The following TMED3 variants were observed in gnomAD, a reference collection of about 807,000 sequenced individuals.
TMED3 encodes transmembrane p24 trafficking protein 3, also known as transmembrane emp24 domain-containing protein 3.
TMED3 carries 9 observed loss-of-function variants against 15.0 expected under a neutral mutation model. The ratio of observed to expected loss-of-function variants is 0.60; its 90% CI spans 0.36 to 1.04. The LOEUF (loss-of-function observed/expected upper bound fraction) is 1.04, where lower values mean the gene tolerates loss of function less well. Among genes scored for constraint, TMED3 ranks in the 50% least tolerant of loss-of-function variants. The pLI is 0.01. For missense variants in TMED3, 267 were observed against 278.9 expected, an observed-to-expected ratio of 0.96 and a Z score of 0.30; for synonymous variants, 117 against 121.4, an observed-to-expected ratio of 0.96 and a Z score of 0.24.
At chr15:79,333,857 A>G (rs746416194) in intron 2 of TMED3, among the ~76,000 whole-genome samples, 3 of 152,178 alleles carry the variant, frequency 2.0e-5, no homozygotes, top group Non-Finnish European at 2.9e-5. Context: ...ACAGGGCTGT[A>G]CTCAGGTAGA....
chr15:79,386,937 T>TTC (rs1893634636), intron 2 of TMED3, among the ~76,000 whole-genome samples: 1 of 148,930 alleles, frequency 6.7e-6, no homozygotes, highest in Non-Finnish European at 1.5e-5. Context: ...TTTTAATCTT[T>TTC]TTTTTTTTTT....
intron 2 of TMED3, among the ~76,000 whole-genome samples, chr15:79,364,707 G>A (rs1393173151): frequency 6.6e-6 from 1 of 151,828 alleles, no homozygotes; most frequent in East Asian, 2.0e-4. Flanking sequence ...TGAACACCGA[G>A]AGGAGTTCAG....
chr15:79,344,853 A>G (rs1055023287), intron 2 of TMED3, among the ~76,000 whole-genome samples: 4 of 152,200 alleles, frequency 2.6e-5, no homozygotes, highest in Non-Finnish European at 5.9e-5. Context: ...AGGCAGTGTG[A>G]AAGGGAGACA....
At chr15:79,406,277 T>C (rs1893902038) in intron 2 of TMED3, among the ~76,000 whole-genome samples, 1 of 152,320 alleles carries the variant, frequency 6.6e-6, no homozygotes, top group Admixed American at 6.5e-5. Flanking sequence ...CTTTGTGCTT[T>C]AATAGCCCTT....
chr15:79,311,869 G>T (rs1429702660), intron 1 of TMED3, among the ~76,000 whole-genome samples: 1 of 152,212 alleles, frequency 6.6e-6, no homozygotes, highest in African/African-American at 2.4e-5. Context: ...CCTCTCCAGC[G>T]TTTAAAGTTG....
Position 79,343,347 on chromosome 15 carries a change from G to A in TMED3, c.417+29342G>A, listed in dbSNP as rs1248880289. On this transcript the variant is annotated intron_variant, in intron 2 of 2. Transcript: ENST00000424155. ...AACAACTAATCTGTTCTCCATCTGC[G>A]TACCTTTGTCACTTTGAAGATGTCA... Among the ~76,000 whole-genome samples the A allele has an allele frequency of 5.3e-5, 8 of 152,238 alleles. 1 individual carries two copies. The highest frequency in any genetic ancestry group is 7.4e-5 in the Non-Finnish European group (5 of 68,008).
chr15:79,314,225 C>G (rs1384907780), intron 2 of TMED3, among the ~76,000 whole-genome samples: 1 of 152,204 alleles, frequency 6.6e-6, no homozygotes, highest in Non-Finnish European at 1.5e-5. Context: ...GCAGTACTTT[C>G]CTCTGACATT....
Position 79,322,616 on chromosome 15 carries a change from G to A in TMED3, c.*402G>A. 1 of 998,860 alleles carries A rather than the reference G, an allele frequency of 1.0e-6. No individual in the cohort carries two copies. The allele number at this position is 998,860 out of a possible 1,614,324, so 61.9% of individuals were successfully genotyped here. A position where few individuals can be genotyped will look rare whatever the true frequency, so the allele number is the denominator to read the frequency against. Reference sequence around the variant, plus strand: ...TCTTGGGTGTCCTATCCCATATGGAGAAGAAAGGGGCTCTAAGTTCTGGCT... The same window carrying A: ...TCTTGGGTGTCCTATCCCATATGGAAAAGAAAGGGGCTCTAAGTTCTGGCT... On this transcript the variant is annotated 3_prime_UTR_variant, in exon 3 of 3. Coordinates refer to ENST00000299705, the MANE Select transcript of TMED3 (RefSeq NM_007364.4).
intron 2 of TMED3, 65 bp from the exon 3 acceptor site, chr15:79,321,913 C>T (rs2058768577): frequency 6.4e-6 from 10 of 1,564,410 alleles, no homozygotes; most frequent in Non-Finnish European, 8.7e-6. Flanking sequence ...ACAGCATTTG[C>T]TGTTTGCTGG....
intron 2 of TMED3, chr15:79,383,048 G>T: frequency 2.6e-6 from 4 of 1,534,946 alleles, no homozygotes; most frequent in Non-Finnish European, 2.6e-6. Flanking sequence ...TGTTCCAACT[G>T]CTTGTTTACC....
chr15:79,392,238 G>A (rs1893705975), intron 2 of TMED3, among the ~76,000 whole-genome samples: 1 of 152,146 alleles, frequency 6.6e-6, no homozygotes, highest in African/African-American at 2.4e-5. Context: ...GTTTTGATGT[G>A]TTTCCAGGAT....
chr15:79,411,285 C>A, intron 2 of TMED3: 1 of 589,724 alleles, frequency 1.7e-6, no homozygotes, highest in South Asian at 2.0e-5. Flanking sequence ...AATTCTTCCA[C>A]AAAGGGGCTA....
At chr15:79,326,241 T>C (rs1317469818), downstream of TMED3, among the ~76,000 whole-genome samples, 5 of 152,204 alleles carry the variant, frequency 3.3e-5, no homozygotes, top group Admixed American at 3.3e-4. Context: ...TCCAAAAGGA[T>C]ATGCTATGTG....
chr15:79,397,611 G>C (rs1408967067), intron 2 of TMED3, among the ~76,000 whole-genome samples: 2 of 152,166 alleles, frequency 1.3e-5, no homozygotes, highest in Non-Finnish European at 2.9e-5. Flanking sequence ...GTTGACTCTG[G>C]ATACATTTTT....
Position 79,311,187 on chromosome 15 carries a change from C to T in TMED3, c.-63C>T, listed in dbSNP as rs2058710736. On this transcript the variant is annotated 5_prime_UTR_variant, in exon 1 of 3. Transcript: ENST00000299705. Reference sequence around the variant, plus strand: ...CTCCTAGGACCCGGTCGGTAGTCGTCGCCCCAGCCCGCCGGGGGCGCAGCG... The same window carrying T: ...CTCCTAGGACCCGGTCGGTAGTCGTTGCCCCAGCCCGCCGGGGGCGCAGCG... 3 of 1,512,782 alleles carry T rather than the reference C, an allele frequency of 2.0e-6. No homozygotes were observed. The highest frequency in any genetic ancestry group is 1.8e-6 in the Non-Finnish European group (2 of 1,135,666). The allele number at this position is 1,512,782 out of a possible 1,614,324, so 93.7% of individuals were successfully genotyped here. A position where few individuals can be genotyped will look rare whatever the true frequency, so the allele number is the denominator to read the frequency against.
chr15:79,338,831 C>T (rs1171792861), intron 2 of TMED3, among the ~76,000 whole-genome samples: 2 of 152,134 alleles, frequency 1.3e-5, no homozygotes, highest in East Asian at 3.9e-4. Flanking sequence ...GGGAAGACAC[C>T]CGTTGCCAGG....
chr15:79,400,562 C>T (rs1893821139), intron 2 of TMED3, among the ~76,000 whole-genome samples: 1 of 152,192 alleles, frequency 6.6e-6, no homozygotes, highest in South Asian at 2.1e-4. Flanking sequence ...TTAGAGCCTT[C>T]TCGTTATCAT....
chr15:79,375,397 G>A (rs1893406743), intron 2 of TMED3, among the ~76,000 whole-genome samples: 1 of 152,096 alleles, frequency 6.6e-6, no homozygotes, highest in African/African-American at 2.4e-5. Flanking sequence ...ATTGTGTGGG[G>A]CCAAATTCCA....
At chr15:79,334,034 A>AT (rs1395702616) in intron 2 of TMED3, among the ~76,000 whole-genome samples, 1 of 152,200 alleles carries the variant, frequency 6.6e-6, no homozygotes, top group African/African-American at 2.4e-5. Context: ...AGTAGAACTT[A>AT]ATTTGCTATT....
Sources: gnomAD v4.1 joint callset for allele counts (sites outside exome capture counted in the v4.1 genomes callset) on GRCh38, gnomAD v4.1.1 for gene constraint, MANE v1.5 for transcripts, NCBI Gene and HGNC (gene_info 2026-07-23, HGNC 2026-07-21) for gene names.